The following MRPL28 variants were observed in gnomAD, a reference collection of about 807,000 sequenced individuals.
MRPL28 encodes large ribosomal subunit protein bL28m.
MRPL28 carries 25 observed loss-of-function variants against 26.2 expected under a neutral mutation model. The ratio of observed to expected loss-of-function variants is 0.95; its 90% confidence interval spans 0.69 to 1.33. The LOEUF (loss-of-function observed/expected upper bound fraction) is 1.33, where lower values mean the gene tolerates loss of function less well. Among genes scored for constraint, MRPL28 ranks in the 40% most tolerant of loss-of-function variants. The probability of loss-of-function intolerance (pLI) is 0.00; values close to 1 mark genes in which losing one functional copy is unlikely to be tolerated. For missense variants in MRPL28, 432 were observed against 327.2 expected (o/e 1.32, Z -2.47); for synonymous variants, 227 against 140.1 (o/e 1.62, Z -4.38).
chr16:369,574 G>T (rs961878972), intron 2 of MRPL28: 1 of 615,818 alleles, frequency 1.6e-6, no homozygotes, highest in East Asian at 2.7e-5. Context: ...AGTCCCGCCA[G>T]GAAGTCCACC....
In MRPL28 at chr16:367,790, A is replaced by G. The variant is rs775450386; in HGVS notation, c.664-8T>C. The G allele has an allele frequency of 1.3e-5, 21 of 1,611,660 alleles. No individual in the cohort carries two copies. Among genetic ancestry groups the G allele is most frequent in the Non-Finnish European group, 1.7e-5 (20 of 1,178,448 alleles). ...GAACAGGGGTACAGGGTCCTGAAGG[A>G]GAGAGGGGCTCATGGTGAGGCCAGG... On this transcript the variant is annotated splice_polypyrimidine_tract_variant and splice_region_variant and intron_variant, in intron 5 of 5. Transcript: ENST00000199706.
Position 367,502 on chromosome 16 carries a change from G to T in MRPL28, c.*173C>A. ...GCCTCTGGGCGGCCCAGGCCTCCTG[G>T]GGATCCCTGCCAAGCTGGCCCCGGG... On this transcript the variant is annotated 3_prime_UTR_variant, in exon 6 of 6. Transcript: ENST00000199706. The T allele has an allele frequency of 1.4e-6, 1 of 731,118 alleles. No individual in the cohort carries two copies. Among genetic ancestry groups the T allele is most frequent in the Non-Finnish European group, 2.5e-6 (1 of 401,462 alleles). 45.3% of individuals were successfully genotyped at this position (731,118 alleles called of 1,614,324 possible).
intron 2 of MRPL28, 121 bp from the exon 3 acceptor site, chr16:369,341 TG>T: frequency 7.6e-7 from 1 of 1,319,242 alleles, no homozygotes; most frequent in East Asian, 2.4e-5. Flanking sequence ...GCTGTCAGAC[TG>T]GGGACCTAGA....
intron 1 of MRPL28, 123 bp downstream of exon 1, chr16:370,376 C>G: frequency 7.4e-7 from 1 of 1,358,576 alleles, no homozygotes; most frequent in East Asian, 2.7e-5. Flanking sequence ...TACCCCGGCC[C>G]CCGGCTCTCA....
Position 370,230 on chromosome 16 carries a change from C to A in MRPL28, c.-7-5G>T. ...TTGTGTAGAGGCATCGCGAGCCTGGCGGGAGGTGGGGGCTCGCAGTCAGTC... is the reference window on the plus strand; with the variant it reads ...TTGTGTAGAGGCATCGCGAGCCTGGAGGGAGGTGGGGGCTCGCAGTCAGTC... On this transcript the variant is annotated splice_region_variant and splice_polypyrimidine_tract_variant and intron_variant, in intron 1 of 5. Coordinates refer to ENST00000199706, the MANE Select transcript of MRPL28 (RefSeq NM_006428.5). 1.3e-6 allele frequency: 2 copies of A among 1,561,614 alleles called. No homozygotes were observed. The highest frequency in any genetic ancestry group is 2.3e-4 in the Middle Eastern group (1 of 4,396).
At chr16:369,804 G>A (rs1479964476) in intron 2 of MRPL28, 127 bp downstream of exon 2, 27 of 1,204,114 alleles carry the variant, frequency 2.2e-5, no homozygotes, top group Non-Finnish European at 3.1e-5. Flanking sequence ...CTTTGCCGGA[G>A]ATGTGTCGCC....
chr16:368,980 C>CACA, intron 3 of MRPL28, 88 bp downstream of exon 3: 1 of 1,473,520 alleles, frequency 6.8e-7, no homozygotes, highest in Non-Finnish European at 9.3e-7. Flanking sequence ...TGTCAGCGTG[C>CACA]CCCGGTGTGA....
intron 2 of MRPL28, 49 bp downstream of exon 2, chr16:369,882 G>C (rs779462989): frequency 6.4e-7 from 1 of 1,567,998 alleles, no homozygotes; most frequent in Non-Finnish European, 8.6e-7. Context: ...CACAGAGCCG[G>C]CACAGCCAAG....
At chr16:369,907 C>A in intron 2 of MRPL28, 24 bp downstream of exon 2, 1 of 1,592,688 alleles carries the variant, frequency 6.3e-7, no homozygotes, top group African/African-American at 1.3e-5. Flanking sequence ...GAGAGGAGCC[C>A]CTGAAGGCCG....
chr16:369,605 G>C (rs1433653828), intron 2 of MRPL28: 1 of 716,520 alleles, frequency 1.4e-6, no homozygotes, highest in Non-Finnish European at 2.6e-6. Context: ...TCGAAGCTCT[G>C]CTCGCCTCCC....
At position 370,109 on chromosome 16, in the gene MRPL28, G is replaced by A. The variant is rs1259865383; in HGVS notation, c.110C>T (p.Thr37Met). The part of the protein sequence containing the change: ...HYLRSLEEER[T>M]PTPVHYRPHG... ...AGGCCTATAGTGCACGGGAGTGGGC[G>A]TCCGCTCCTCCTCCAGGGAGCGCAG... is the stretch of plus-strand genomic sequence containing the variant. Residue 37 changes from threonine to methionine, a missense_variant, in exon 2 of 6, where the codon ACG (threonine) becomes ATG (methionine). Transcript: ENST00000199706. 1 of 1,609,854 alleles carries A rather than the reference G, an allele frequency of 6.2e-7. No individual in the cohort carries two copies.
rs562984213 is a variant in MRPL28, at chr16:367,052, C to T, written c.*623G>A. ...GTGAAACCCCTTCTCTACTAAAATACAATTAGCCATACATGATAGCGGGGT... is the reference window on the plus strand; with the variant it reads ...GTGAAACCCCTTCTCTACTAAAATATAATTAGCCATACATGATAGCGGGGT... On this transcript the variant is annotated 3_prime_UTR_variant, in exon 6 of 6. Transcript: ENST00000199706. Among the ~76,000 whole-genome samples the T allele has an allele frequency of 7.2e-4, 109 of 152,112 alleles. 1 individual carries two copies. Among genetic ancestry groups the T allele is most frequent in the African/African-American group, 2.4e-3 (101 of 41,508 alleles).
chr16:367,092 C>A lies in MRPL28; in HGVS notation c.*583G>T, dbSNP rs1420000287. Among the ~76,000 whole-genome samples the A allele has an allele frequency of 1.3e-5, 2 of 152,186 alleles. No homozygotes were observed. The highest frequency in any genetic ancestry group is 4.8e-5 in the African/African-American group (2 of 41,432). Reference sequence around the variant, plus strand: ...GATAGCGGGGTGCCTGTAATCCCAGCTACTCAGGAGGCTGAGACAGGACAA... The same window carrying A: ...GATAGCGGGGTGCCTGTAATCCCAGATACTCAGGAGGCTGAGACAGGACAA... On this transcript the variant is annotated 3_prime_UTR_variant, in exon 6 of 6. Transcript: ENST00000199706.
At position 367,572 on chromosome 16, in the gene MRPL28, G is replaced by T; in HGVS notation, c.*103C>A. 1 of 1,026,896 alleles carries T rather than the reference G, an allele frequency of 9.7e-7. No individual in the cohort carries two copies. The highest frequency in any genetic ancestry group is 1.5e-6 in the Non-Finnish European group (1 of 672,210). The allele number at this position is 1,026,896 out of a possible 1,614,324, so 63.6% of individuals were successfully genotyped here. A position where few individuals can be genotyped will look rare whatever the true frequency, so the allele number is the denominator to read the frequency against. The stretch of plus-strand genomic sequence containing the variant: ...CACACGAAACCAGGATCCACCCACT[G>T]CCCACCGGTGGCCCTCACAGCTCCC... On this transcript the variant is annotated 3_prime_UTR_variant, in exon 6 of 6. Coordinates refer to ENST00000199706, the MANE Select transcript of MRPL28 (RefSeq NM_006428.5).
intron 2 of MRPL28, 24 bp downstream of exon 2, chr16:369,907 C>G (rs759108134): frequency 6.3e-7 from 1 of 1,592,688 alleles, no homozygotes; most frequent in Admixed American, 1.7e-5. Flanking sequence ...GAGAGGAGCC[C>G]CTGAAGGCCG....
chr16:369,615 C>T (rs1307466530), intron 2 of MRPL28: 2 of 713,528 alleles, frequency 2.8e-6, no homozygotes, highest in East Asian at 2.7e-5. Flanking sequence ...GCTCGCCTCC[C>T]CCACCTGCTC....
In MRPL28 at chr16:370,521, G is replaced by C; in HGVS notation, c.-30C>G. ...CACCTTTCAGGGTTCAGAGCCCACC[G>C]GAACCGGAAGCCGATCTGCCGCGCC... On this transcript the variant is annotated 5_prime_UTR_variant, in exon 1 of 6. Transcript: ENST00000199706. The C allele has an allele frequency of 1.1e-6, 1 of 914,426 alleles. No homozygotes were observed. The highest frequency in any genetic ancestry group is 1.2e-6 in the Non-Finnish European group (1 of 806,764). 56.6% of individuals were successfully genotyped at this position (914,426 alleles called of 1,614,324 possible). A position where few individuals can be genotyped will look rare whatever the true frequency, so the allele number is the denominator to read the frequency against.
At chr16:368,771 C>A (rs1311002061) in intron 3 of MRPL28, 136 bp from the exon 4 acceptor site, 2 of 1,352,432 alleles carry the variant, frequency 1.5e-6, no homozygotes, top group Non-Finnish European at 2.0e-6. Flanking sequence ...GCCGCCTCAG[C>A]ACCCCAGCCT....
Position 367,774 on chromosome 16 carries a change from T to C in MRPL28, c.672A>G (p.Val224=). The stretch of plus-strand genomic sequence containing the variant: ...CCGCCACATAGATCTTGAACAGGGG[T>C]ACAGGGTCCTGAAGGAGAGAGGGGC... ...KQRLLEEKDP[V]PLFKIYVAEL... Residue 224 remains valine, a synonymous_variant, in exon 6 of 6, where the codon GTA becomes GTG. Coordinates refer to ENST00000199706, the MANE Select transcript of MRPL28 (RefSeq NM_006428.5). The C allele has an allele frequency of 6.2e-7, 1 of 1,613,498 alleles. No individual in the cohort carries two copies. Among genetic ancestry groups the C allele is most frequent in the South Asian group, 1.1e-5 (1 of 91,076 alleles).
Sources: gnomAD v4.1 joint callset for allele counts (sites outside exome capture counted in the v4.1 genomes callset) on GRCh38, gnomAD v4.1.1 for gene constraint, MANE v1.5 for transcripts, NCBI Gene and HGNC (gene_info 2026-07-23, HGNC 2026-07-21) for gene names.